Variants in CAST observed in about 807,000 individuals in gnomAD.
The protein encoded by CAST is MIR583 host.
Under a neutral mutation model 119.6 loss-of-function variants are expected in CAST, and 76 were observed. The ratio of observed to expected loss-of-function variants is 0.64; its 90% CI spans 0.53 to 0.77. CAST has a LOEUF of 0.77. Among genes scored for constraint, CAST ranks in the 30% least tolerant of loss-of-function variants. CAST has a pLI of 0.00. For missense variants in CAST, 953 were observed against 946.5 expected (o/e 1.01, Z -0.09); for synonymous variants, 319 against 331.6 (o/e 0.96, Z 0.41).
At chr5:96,036,262 C>A in the CAST span, among the ~76,000 whole-genome samples, 1 of 151,778 alleles carries the variant, frequency 6.6e-6, no homozygotes, top group Admixed American at 6.6e-5. Context: ...ATTTACTGTA[C>A]AGTAAACACT....
chr5:96,757,153 C>G (rs1386008377), intron 22 of CAST, among the ~76,000 whole-genome samples: 1 of 152,190 alleles, frequency 6.6e-6, no homozygotes. Context: ...ACTATGCTGA[C>G]TTTCACGTTT....
At chr5:96,265,505 G>C in the CAST span, among the ~76,000 whole-genome samples, 1 of 152,072 alleles carries the variant, frequency 6.6e-6, no homozygotes, top group Admixed American at 6.6e-5. Flanking sequence ...CAATGTCTGA[G>C]AGCAGGAGAT....
chr5:96,558,829 T>A (rs1417235908), intron 1 of CAST, among the ~76,000 whole-genome samples: 8 of 152,000 alleles, frequency 5.3e-5, no homozygotes, highest in Non-Finnish European at 8.8e-5. Flanking sequence ...TCAATAGAAA[T>A]AGAGGGAATC....
chr5:96,244,360 T>C, the CAST span, among the ~76,000 whole-genome samples: 1 of 152,272 alleles, frequency 6.6e-6, no homozygotes. Context: ...TTATGATTTC[T>C]TATTCCTTCT....
At chr5:96,302,200 T>C in the CAST span, among the ~76,000 whole-genome samples, 1 of 152,150 alleles carries the variant, frequency 6.6e-6, no homozygotes, top group Non-Finnish European at 1.5e-5. Context: ...TGGGGTCCTT[T>C]TAGCACAGCT....
chr5:96,765,550 T>C (rs1041388335), intron 26 of CAST, among the ~76,000 whole-genome samples: 3 of 151,672 alleles, frequency 2.0e-5, no homozygotes, highest in African/African-American at 7.3e-5. Context: ...TTCTGGGAGG[T>C]AGGTGTGGGG....
At chr5:96,529,610 G>A (rs536174764), upstream of CAST, among the ~76,000 whole-genome samples, 13 of 152,148 alleles carry the variant, frequency 8.5e-5, no homozygotes, top group South Asian at 1.5e-3. Context: ...TATATGGTTC[G>A]GTTATATCTC....
chr5:96,436,687 G>A, the CAST span, among the ~76,000 whole-genome samples: 3 of 151,986 alleles, frequency 2.0e-5, no homozygotes, highest in Non-Finnish European at 4.4e-5. Flanking sequence ...GGTCAAGTAT[G>A]ACAAAATAAT....
chr5:96,108,016 C>G, the CAST span, among the ~76,000 whole-genome samples: 3 of 151,772 alleles, frequency 2.0e-5, no homozygotes, highest in Non-Finnish European at 2.9e-5. Context: ...TTGATCGCAT[C>G]GGCTCCTGAG....
intron 3 of CAST, among the ~76,000 whole-genome samples, chr5:96,704,582 G>C (rs1754555802): frequency 6.6e-6 from 1 of 151,980 alleles, no homozygotes; most frequent in Admixed American, 6.6e-5. Flanking sequence ...GTCTTAATTA[G>C]TCCTATTCAA....
At chr5:96,582,199 A>AGAAAG (rs1561422371) in intron 1 of CAST, among the ~76,000 whole-genome samples, 1 of 152,120 alleles carries the variant, frequency 6.6e-6, no homozygotes, top group East Asian at 1.9e-4. Context: ...AAAGGAAAAG[A>AGAAAG]AAGAGAGGCA....
At chr5:96,421,737 A>G in the CAST span, 1 of 676,942 alleles carries the variant, frequency 1.5e-6, no homozygotes, top group Admixed American at 2.4e-5. Context: ...CTGTTTTAAA[A>G]GCAACAAAAT....
the CAST span, among the ~76,000 whole-genome samples, chr5:96,253,571 T>C: frequency 6.6e-6 from 1 of 152,096 alleles, no homozygotes; most frequent in Non-Finnish European, 1.5e-5. Context: ...AATCAGTATC[T>C]AATGGAGATT....
chr5:96,061,556 G>C, the CAST span, among the ~76,000 whole-genome samples: 2 of 152,172 alleles, frequency 1.3e-5, no homozygotes, highest in East Asian at 1.9e-4. Flanking sequence ...GCCAAAAATA[G>C]ACTTGGATGC....
chr5:96,168,987 G>A, the CAST span, among the ~76,000 whole-genome samples: 2 of 152,132 alleles, frequency 1.3e-5, no homozygotes, highest in Non-Finnish European at 2.9e-5. Context: ...CAGACATGAG[G>A]GCTAGGCTAA....
intron 25 of CAST, chr5:96,763,322 C>T (rs1768673837): frequency 3.9e-6 from 3 of 773,460 alleles, no homozygotes; most frequent in Non-Finnish European, 7.2e-6. Context: ...TAATAAAGCA[C>T]TTAAAACCAG....
the CAST span, among the ~76,000 whole-genome samples, chr5:96,170,578 A>G: frequency 4.6e-5 from 7 of 152,268 alleles, no homozygotes; most frequent in East Asian, 1.2e-3. Flanking sequence ...AGCTTTATTT[A>G]ATGTCGGGAG....
At chr5:96,692,676 TG>T (rs1320912423) in intron 2 of CAST, among the ~76,000 whole-genome samples, 1 of 152,174 alleles carries the variant, frequency 6.6e-6, no homozygotes, top group Non-Finnish European at 1.5e-5. Context: ...GTTAGTCAAA[TG>T]TCACTTCCTC....
chr5:96,235,757 T>C, the CAST span, among the ~76,000 whole-genome samples: 5 of 152,084 alleles, frequency 3.3e-5, no homozygotes, highest in Non-Finnish European at 7.4e-5. Context: ...ATTCTAAAAA[T>C]CTCCTTAGAA....
Sources: allele counts gnomAD v4.1 joint callset (sites outside exome capture counted in the v4.1 genomes callset), GRCh38; gene constraint gnomAD v4.1.1; transcripts MANE v1.5; gene names NCBI Gene and HGNC (gene_info 2026-07-23, HGNC 2026-07-21).